SRPK2: variants seen among roughly 807,000 people sequenced by gnomAD.
SRPK2 encodes SFRS protein kinase 2.
A neutral mutation model predicts 90.8 loss-of-function variants in SRPK2; 21 were observed. The observed-to-expected ratio is 0.23, with a 90% CI of 0.16 to 0.33. The LOEUF (loss-of-function observed/expected upper bound fraction) is 0.33. Among genes scored for constraint, SRPK2 ranks in the 10% least tolerant of loss-of-function variants. SRPK2 has a pLI of 1.00. For missense variants in SRPK2, 620 were observed against 869.0 expected, an observed-to-expected ratio of 0.71 and a Z score of 3.60; for synonymous variants, 288 against 311.1, an observed-to-expected ratio of 0.93 and a Z score of 0.78.
In SRPK2 at chr7:105,229,636, A is replaced by G. The variant is rs540376479; in HGVS notation, c.72-25851T>C. Among the ~76,000 whole-genome samples, 37 of 152,340 alleles carry G rather than the reference A, an allele frequency of 2.4e-4. 1 individual carries two copies. Among genetic ancestry groups the G allele is most frequent in the African/African-American group, 8.4e-4 (35 of 41,586 alleles). Reference sequence around the variant, plus strand: ...AGGGGGAGCGCAGGAATAAAATTCTAGAGTCAGGTTACAGGACTATCATAG... The same window carrying G: ...AGGGGGAGCGCAGGAATAAAATTCTGGAGTCAGGTTACAGGACTATCATAG... On this transcript the variant is annotated intron_variant, in intron 2 of 15. Coordinates refer to ENST00000393651, the MANE Select transcript of SRPK2 (RefSeq NM_182692.3).
intron 2 of SRPK2, among the ~76,000 whole-genome samples, chr7:105,246,336 C>CCATATGATCTATCTTT (rs1391308245): frequency 1.3e-5 from 2 of 152,128 alleles, no homozygotes; most frequent in African/African-American, 2.4e-5. Context: ...GAAGCACAGG[C>CCATATGATCTATCTTT]CATATGATCT....
chr7:105,328,128 G>T (rs1029436981), intron 2 of SRPK2, among the ~76,000 whole-genome samples: 1 of 152,108 alleles, frequency 6.6e-6, no homozygotes, highest in Non-Finnish European at 1.5e-5. Flanking sequence ...AGACTTCCAG[G>T]GGAGACATAC....
At chr7:105,318,965 T>C (rs945004296) in intron 2 of SRPK2, among the ~76,000 whole-genome samples, 10 of 152,324 alleles carry the variant, frequency 6.6e-5, no homozygotes, top group African/African-American at 2.4e-4. Context: ...ATAATTTACA[T>C]GAATGAGTAA....
intron 2 of SRPK2, among the ~76,000 whole-genome samples, chr7:105,246,023 A>C (rs543580146): frequency 2.6e-5 from 4 of 152,206 alleles, no homozygotes; most frequent in Non-Finnish European, 5.9e-5. Flanking sequence ...GAGAGAGGAT[A>C]ATGGCTCTAG....
chr7:105,203,054 T>G (rs1473644192), intron 3 of SRPK2, among the ~76,000 whole-genome samples: 1 of 152,206 alleles, frequency 6.6e-6, no homozygotes, highest in Admixed American at 6.5e-5. Context: ...AGTAGCACGA[T>G]CTCAGCTCAC....
intron 2 of SRPK2, among the ~76,000 whole-genome samples, chr7:105,370,595 TTTAA>T (rs1161001564): frequency 1.3e-5 from 2 of 150,566 alleles, no homozygotes; most frequent in Non-Finnish European, 2.9e-5. Flanking sequence ...AGCCAATTTT[TTTAA>T]TTAATTTTTT....
chr7:105,384,840 C>T (rs772825037), intron 2 of SRPK2, among the ~76,000 whole-genome samples: 2 of 151,934 alleles, frequency 1.3e-5, no homozygotes, highest in Non-Finnish European at 2.9e-5. Context: ...TCTGTTTCCA[C>T]TACTACCCCC....
chr7:105,206,630 A>G (rs1392258232), intron 2 of SRPK2: 1 of 152,770 alleles, frequency 6.5e-6, no homozygotes, highest in Non-Finnish European at 1.5e-5. Context: ...AAACATCTAG[A>G]ACTGTGCTGC....
intron 3 of SRPK2, among the ~76,000 whole-genome samples, chr7:105,176,283 T>C (rs1359608863): frequency 2.0e-5 from 3 of 152,172 alleles, no homozygotes; most frequent in African/African-American, 4.8e-5. Context: ...CATTCATTCT[T>C]GATCACAATT....
chr7:105,125,720 G>A (rs1801097585), intron 15 of SRPK2: 1 of 710,150 alleles, frequency 1.4e-6, no homozygotes, highest in Non-Finnish European at 2.0e-6. Context: ...AATCACGAAT[G>A]CACAATTTCT....
intron 2 of SRPK2, among the ~76,000 whole-genome samples, chr7:105,216,354 C>A (rs944725178): frequency 6.6e-6 from 1 of 152,074 alleles, no homozygotes; most frequent in Non-Finnish European, 1.5e-5. Context: ...TAATGGTTGT[C>A]TCCAGGAAAA....
intron 2 of SRPK2, among the ~76,000 whole-genome samples, chr7:105,353,489 G>A (rs779950601): frequency 2.7e-5 from 4 of 148,802 alleles, no homozygotes; most frequent in Non-Finnish European, 5.9e-5. Context: ...ACAGGAGCGT[G>A]CCATCCAGCC....
chr7:105,323,760 T>A (rs1813203732), intron 2 of SRPK2, among the ~76,000 whole-genome samples: 1 of 152,278 alleles, frequency 6.6e-6, no homozygotes, highest in South Asian at 2.1e-4. Context: ...AAAGGTATGG[T>A]ACTACATAAT....
At chr7:105,311,831 T>C (rs1308475465) in intron 2 of SRPK2, among the ~76,000 whole-genome samples, 2 of 152,152 alleles carry the variant, frequency 1.3e-5, no homozygotes, top group Non-Finnish European at 1.5e-5. Flanking sequence ...AGCACAAAAA[T>C]TAATCTATGA....
chr7:105,337,014 C>G (rs1387622904), intron 2 of SRPK2, among the ~76,000 whole-genome samples: 1 of 152,052 alleles, frequency 6.6e-6, no homozygotes, highest in Non-Finnish European at 1.5e-5. Flanking sequence ...GTTGGCCAGG[C>G]TAGTCTCGAA....
At chr7:105,208,574 G>C (rs1796479851) in intron 2 of SRPK2, among the ~76,000 whole-genome samples, 1 of 152,090 alleles carries the variant, frequency 6.6e-6, no homozygotes, top group Non-Finnish European at 1.5e-5. Context: ...TCCATCAAAT[G>C]TCTAGAACAG....
At chr7:105,392,009 A>T (rs1822195317), upstream of SRPK2, among the ~76,000 whole-genome samples, 2 of 152,180 alleles carry the variant, frequency 1.3e-5, no homozygotes, top group Non-Finnish European at 2.9e-5. Flanking sequence ...ACACTGGAAT[A>T]TTTTTTTGGC....
rs575562553 is a variant in SRPK2 at position 105,220,469 on chromosome 7, T to C, written c.72-16684A>G. ...TGAACCTGGGAGGCAGAGGTTGCAG[T>C]GAGCTGAGATCGCACCACTGCACTC... On this transcript the variant is annotated intron_variant, in intron 2 of 15. Transcript: ENST00000393651. Among the ~76,000 whole-genome samples the C allele has an allele frequency of 4.9e-4, 74 of 152,238 alleles. No homozygotes were observed. In the South Asian group the frequency reaches 0.015, roughly 31 times the overall value.
chr7:105,243,834 AC>A (rs1320832494), intron 2 of SRPK2, among the ~76,000 whole-genome samples: 1 of 152,220 alleles, frequency 6.6e-6, no homozygotes, highest in Non-Finnish European at 1.5e-5. Flanking sequence ...CTAAATTCAC[AC>A]GTGAGAAGTG....
Sources: allele counts gnomAD v4.1 joint callset (sites outside exome capture counted in the v4.1 genomes callset), GRCh38; gene constraint gnomAD v4.1.1; transcripts MANE v1.5; gene names NCBI Gene and HGNC (gene_info 2026-07-23, HGNC 2026-07-21).